The following ERICH6B variants were observed in gnomAD, a reference collection of about 807,000 sequenced individuals.
The protein encoded by ERICH6B is glutamate rich 6B, also known as glutamate-rich protein 6B.
In ERICH6B, 69 loss-of-function variants were observed where a neutral mutation model predicts 80.0. The observed-to-expected ratio is 0.86, with a 90% confidence interval of 0.71 to 1.05. The LOEUF (loss-of-function observed/expected upper bound fraction) is 1.05. Among genes scored for constraint, ERICH6B ranks in the 50% least tolerant of loss-of-function variants. The pLI is 0.00. For missense variants in ERICH6B, 754 were observed against 796.1 expected, an observed-to-expected ratio of 0.95 and a Z score of 0.64; for synonymous variants, 283 against 291.9, an observed-to-expected ratio of 0.97 and a Z score of 0.31.
chr13:45,606,796 C>T lies in ERICH6B; in HGVS notation c.-59+768G>A, dbSNP rs1949869601. On this transcript the variant is annotated intron_variant, in intron 2 of 14. Transcript: ENST00000298738. ...CTCGAGCTCCTGACCTCAGGTGATC[C>T]GTCCACCTCAGCCTCCAAAAGTGCT... Among the ~76,000 whole-genome samples, 9 of 151,498 alleles carry T rather than the reference C, an allele frequency of 5.9e-5. No individual in the cohort carries two copies. In the South Asian group the frequency reaches 1.3e-3, roughly 21 times the overall value.
intron 5 of ERICH6B, among the ~76,000 whole-genome samples, chr13:45,584,220 G>A (rs1875799571): frequency 6.6e-6 from 1 of 152,182 alleles, no homozygotes; most frequent in Non-Finnish European, 1.5e-5. Context: ...TTATGATCCT[G>A]CTCTGTGCCT....
intron 5 of ERICH6B, among the ~76,000 whole-genome samples, chr13:45,584,616 G>C (rs1286777695): frequency 6.6e-6 from 1 of 152,184 alleles, no homozygotes; most frequent in Non-Finnish European, 1.5e-5. Context: ...TTTCAGGCAG[G>C]GGTTCTGATA....
At chr13:45,591,128 G>A (rs1876139075) in intron 3 of ERICH6B, among the ~76,000 whole-genome samples, 1 of 152,192 alleles carries the variant, frequency 6.6e-6, no homozygotes, top group Admixed American at 6.5e-5. Context: ...AGAATTTCTT[G>A]TAGACTTGGG....
At chr13:45,602,623 G>A (rs1477024185) in intron 2 of ERICH6B, among the ~76,000 whole-genome samples, 1 of 152,180 alleles carries the variant, frequency 6.6e-6, no homozygotes, top group Non-Finnish European at 1.5e-5. Flanking sequence ...TCTCTGCTGG[G>A]ATGTCTAACA....
chr13:45,553,568 G>C (rs1280369012), intron 11 of ERICH6B, among the ~76,000 whole-genome samples: 1 of 151,998 alleles, frequency 6.6e-6, no homozygotes, highest in Non-Finnish European at 1.5e-5. Flanking sequence ...TCCTTATGCC[G>C]AGCACTGCAC....
chr13:45,603,671 C>T (rs1949839913), intron 2 of ERICH6B, among the ~76,000 whole-genome samples: 1 of 152,164 alleles, frequency 6.6e-6, no homozygotes, highest in Non-Finnish European at 1.5e-5. Flanking sequence ...CACCCCCTTT[C>T]CCAGTGCCTC....
intron 11 of ERICH6B, among the ~76,000 whole-genome samples, chr13:45,560,191 C>T (rs574218757): frequency 6.6e-6 from 1 of 152,282 alleles, no homozygotes; most frequent in African/African-American, 2.4e-5. Flanking sequence ...ATAAGAATAG[C>T]TACTCCTTCT....
chr13:45,606,851 G>A (rs962526524), intron 2 of ERICH6B, among the ~76,000 whole-genome samples: 11 of 151,736 alleles, frequency 7.2e-5, no homozygotes, highest in Non-Finnish European at 1.2e-4. Context: ...ACTGCACCTC[G>A]CCTAAAAAGT....
rs766375144 is a variant in ERICH6B, at chr13:45,550,007, G to A, written c.1532C>T (p.Ala511Val). 16 of 1,551,628 alleles carry A rather than the reference G, an allele frequency of 1.0e-5. No individual in the cohort carries two copies. The South Asian group carries it at 1.1e-4, about 10-fold the overall frequency. ...SGNLAMLILY[A>V]KMKKFTYIIL... Reference sequence around the variant, plus strand: ...GATGTATGTGAACTTTTTCATTTTCGCATATAAGATGAGCATAGCCAGGTT... The same window carrying A: ...GATGTATGTGAACTTTTTCATTTTCACATATAAGATGAGCATAGCCAGGTT... The change falls in exon 13 of 15, where the codon GCG becomes GTG. Residue 511 changes from alanine (A) to valine (V), a missense_variant. By Grantham distance (64) the Ala-to-Val change is moderately conservative. Coordinates refer to ENST00000298738, the MANE Select transcript of ERICH6B (RefSeq NM_182542.3).
intron 3 of ERICH6B, among the ~76,000 whole-genome samples, chr13:45,595,715 A>G (rs1876340107): frequency 1.5e-5 from 2 of 133,724 alleles, no homozygotes; most frequent in African/African-American, 2.9e-5. Flanking sequence ...GCATTCTGTT[A>G]CCCAGGCTGC....
At chr13:45,579,451 C>T (rs547560132) in intron 7 of ERICH6B, among the ~76,000 whole-genome samples, 1 of 152,300 alleles carries the variant, frequency 6.6e-6, no homozygotes, top group Admixed American at 6.5e-5. Context: ...TGGGATTCTG[C>T]TGCTGTAAGG....
Position 45,579,943 on chromosome 13 carries a change from CT to C in ERICH6B, c.950del (p.Lys317ArgfsTer18), listed in dbSNP as rs754232917. The C allele has an allele frequency of 3.2e-6, 5 of 1,551,420 alleles. No homozygotes were observed. The highest frequency in any genetic ancestry group is 1.2e-5 in the South Asian group (1 of 84,046). The stretch of plus-strand genomic sequence containing the variant: ...ATGTCAGATGCTCACCATTTTCTTC[CT>C]TTTTTTGCTGTACTTTAGTGTTAAC... Reference protein sequence around the residue: ...EHVNTKVQQKKEENVLEFASK... With the variant: ...EHVNTKVQQKXEENVLEFASK... On this transcript the variant is annotated frameshift_variant, in exon 7 of 15. Transcript: ENST00000298738. LOFTEE classifies it high-confidence loss of function.
At chr13:45,575,306 T>G (rs1447384439) in intron 7 of ERICH6B, among the ~76,000 whole-genome samples, 1 of 152,050 alleles carries the variant, frequency 6.6e-6, no homozygotes, top group Non-Finnish European at 1.5e-5. Context: ...GAGGACTAGG[T>G]GCAAAGGCCC....
chr13:45,554,536 G>A (rs539928906), intron 11 of ERICH6B, among the ~76,000 whole-genome samples: 5 of 152,272 alleles, frequency 3.3e-5, no homozygotes, highest in East Asian at 1.9e-4. Context: ...CTTTCTGTTC[G>A]TCGAATTCAC....
At chr13:45,608,328 T>C (rs748230366) in intron 1 of ERICH6B, among the ~76,000 whole-genome samples, 2 of 152,242 alleles carry the variant, frequency 1.3e-5, no homozygotes, top group African/African-American at 2.4e-5. Flanking sequence ...CATTTGCTTA[T>C]TGGCCCAGAG....
rs1341537051 is a variant in ERICH6B at position 45,596,999 on chromosome 13, C to T, written c.7G>A (p.Ala3Thr). 1 of 1,541,760 alleles carries T rather than the reference C, an allele frequency of 6.5e-7. No individual in the cohort carries two copies. The highest frequency in any genetic ancestry group is 1.4e-5 in the African/African-American group (1 of 72,992). The change falls in exon 3 of 15, where the codon GCT (alanine) becomes ACT (threonine). Residue 3 changes from alanine to threonine, a missense_variant. Transcript: ENST00000298738. MS[A>T]ENNQLSGASP... Reference sequence around the variant, plus strand: ...GCTCCTGATAACTGATTATTTTCAGCAGACATGCTGGGGAAGTCGTAGGTG... The same window carrying T: ...GCTCCTGATAACTGATTATTTTCAGTAGACATGCTGGGGAAGTCGTAGGTG...
intron 13 of ERICH6B, among the ~76,000 whole-genome samples, chr13:45,546,417 G>T (rs1311279028): frequency 6.6e-6 from 1 of 152,204 alleles, no homozygotes; most frequent in Non-Finnish European, 1.5e-5. Context: ...GCCAGGTCTC[G>T]TCTGAGCTGT....
At chr13:45,606,054 A>C (rs1949857671) in intron 2 of ERICH6B, among the ~76,000 whole-genome samples, 1 of 152,210 alleles carries the variant, frequency 6.6e-6, no homozygotes, top group Non-Finnish European at 1.5e-5. Flanking sequence ...CTTCTTTCCA[A>C]TCTTTATAAC....
At chr13:45,589,079 C>T (rs1403486850) in intron 4 of ERICH6B, among the ~76,000 whole-genome samples, 1 of 151,816 alleles carries the variant, frequency 6.6e-6, no homozygotes, top group African/African-American at 2.4e-5. Flanking sequence ...TGCTATCCTT[C>T]CCCAACCCTT....
Sources: gnomAD v4.1 joint callset for allele counts (sites outside exome capture counted in the v4.1 genomes callset) on GRCh38, gnomAD v4.1.1 for gene constraint, MANE v1.5 for transcripts, NCBI Gene and HGNC (gene_info 2026-07-23, HGNC 2026-07-21) for gene names.